Variants in TMEM201 observed in about 807,000 individuals in gnomAD.
The protein encoded by TMEM201 is RP13-15M17.2.
TMEM201 carries 26 observed loss-of-function variants against 63.4 expected under a neutral mutation model. The observed-to-expected ratio is 0.41, with a 90% confidence interval of 0.30 to 0.57. The LOEUF (loss-of-function observed/expected upper bound fraction) is 0.57, where lower values mean the gene tolerates loss of function less well. Ranked by LOEUF, TMEM201 falls within the 20% of genes least tolerant of loss-of-function variation. The pLI, the probability that TMEM201 is intolerant of heterozygous loss-of-function variation, is 0.29. For missense variants in TMEM201, 794 were observed against 917.7 expected (o/e 0.87, Z 1.74); for synonymous variants, 417 against 421.6 (o/e 0.99, Z 0.14).
intron 3 of TMEM201, among the ~76,000 whole-genome samples, chr1:9,597,619 C>A (rs918759454): frequency 2.0e-5 from 3 of 152,232 alleles, no homozygotes; most frequent in Non-Finnish European, 4.4e-5. Context: ...GCCTTGCTTA[C>A]TGGCTGCTCC....
In TMEM201 at chr1:9,610,775, C is replaced by A; in HGVS notation, c.1735C>A (p.Pro579Thr). Residue 579 changes from proline (P) to threonine (T), a missense_variant, in exon 9 of 11, where the codon CCG (proline) becomes ACG (threonine). Transcript: ENST00000340381. The surrounding 1 kb of genome is among the most constrained non-coding windows in gnomAD (Gnocchi z 4.9). ...TMEPPHVPRK[P>T]PLQDVKHALD... is the part of the protein sequence containing the mutation. ...GGAGCCGCCCCATGTTCCCCGGAAG[C>A]CGCCCCTGCAGGACGTGAAGCACGC... 6.5e-7 allele frequency: 1 copy of A among 1,547,434 alleles called. No individual in the cohort carries two copies.
chr1:9,603,574 C>T lies in TMEM201; in HGVS notation c.1160+1302C>T, dbSNP rs1644187327. 3 of 985,428 alleles carry T rather than the reference C, an allele frequency of 3.0e-6. No individual in the cohort carries two copies. Among genetic ancestry groups the T allele is most frequent in the African/African-American group, 1.7e-5 (1 of 57,248 alleles). 61.0% of individuals were successfully genotyped at this position (985,428 alleles called of 1,614,324 possible). ...GGCCAGGGTGTGCCAGCTCCTCTCT[C>T]CTGTGCGTTGGAACCCCGGGGGAGG... On this transcript the variant is annotated intron_variant, in intron 6 of 10. Coordinates refer to ENST00000340381, the MANE Select transcript of TMEM201 (RefSeq NM_001130924.3). This position sits in a 1 kb window ranked among gnomAD's most constrained non-coding sequence, Gnocchi z 4.5.
intron 1 of TMEM201, among the ~76,000 whole-genome samples, chr1:9,594,995 C>T (rs1643990357): frequency 1.3e-5 from 2 of 152,236 alleles, no homozygotes; most frequent in Admixed American, 6.5e-5. Context: ...TGTCCTCGAG[C>T]TGGAGGTGGC....
intron 1 of TMEM201, among the ~76,000 whole-genome samples, chr1:9,591,199 C>T (rs1643912423): frequency 6.6e-6 from 1 of 152,348 alleles, no homozygotes; most frequent in African/African-American, 2.4e-5. Flanking sequence ...CAGCTGATGG[C>T]TGTAAGCACA....
rs1398288544 is a variant in TMEM201, at chr1:9,607,306, G to T, written c.1161-251G>T. Among the ~76,000 whole-genome samples the T allele has an allele frequency of 1.3e-5, 2 of 152,058 alleles. No individual in the cohort carries two copies. Among genetic ancestry groups the T allele is most frequent in the Non-Finnish European group, 2.9e-5 (2 of 68,006 alleles). On this transcript the variant is annotated intron_variant, in intron 6 of 10. Transcript: ENST00000340381. This position sits in a 1 kb window ranked among gnomAD's most constrained non-coding sequence, Gnocchi z 5.4. ...CCGAGACTCGTAGTGGAGATAGTTT[G>T]CTGTGAGCCGAGGGGGTAGGAGGGG...
intron 10 of TMEM201, 67 bp from the exon 11 acceptor site, chr1:9,612,919 G>T: frequency 7.3e-7 from 1 of 1,376,022 alleles, no homozygotes. Context: ...ATGCTCTAGG[G>T]GGCTGCTCAG....
At chr1:9,597,879 A>C (rs540177908) in intron 3 of TMEM201, among the ~76,000 whole-genome samples, 1 of 152,350 alleles carries the variant, frequency 6.6e-6, no homozygotes, top group Admixed American at 6.5e-5. Flanking sequence ...TTGCAGGCCA[A>C]AACGTTTGCT....
intron 10 of TMEM201, among the ~76,000 whole-genome samples, chr1:9,612,641 G>A (rs955321234): frequency 6.6e-6 from 1 of 152,216 alleles, no homozygotes; most frequent in Non-Finnish European, 1.5e-5. Context: ...TTGGAGGCCT[G>A]GATGGGGTGC....
Position 9,601,448 on chromosome 1 carries a change from G to C in TMEM201, c.950G>C (p.Arg317Pro). ...CTGCTGGCAATGCTGCTGGCTGGCC[G>C]CATCAGGTGTGCATGGGGCCAGGGC... ...TCLLAMLLAG[R>P]IRLRRIDAFC... The change falls in exon 5 of 11, where the codon CGC (arginine) becomes CCC (proline). Residue 317 changes from arginine to proline, a missense_variant. Coordinates refer to ENST00000340381, the MANE Select transcript of TMEM201 (RefSeq NM_001130924.3). 6.3e-7 allele frequency: 1 copy of C among 1,582,776 alleles called. No homozygotes were observed. Among genetic ancestry groups the C allele is most frequent in the East Asian group, 2.2e-5 (1 of 44,588 alleles).
At chr1:9,589,764 C>A (rs537377848) in intron 1 of TMEM201, among the ~76,000 whole-genome samples, 7 of 152,384 alleles carry the variant, frequency 4.6e-5, no homozygotes, top group Admixed American at 4.6e-4. Flanking sequence ...TCAGCAGAGC[C>A]TCGCAGGTAG....
Position 9,613,240 on chromosome 1 carries a change from C to G in TMEM201, c.*157C>G, listed in dbSNP as rs373843240. ...ACTGTCCTCAGGACACCTGCCCCTC[C>G]TCACCTAACGGACTGCAGGGCTGAG... On this transcript the variant is annotated 3_prime_UTR_variant, in exon 11 of 11. Coordinates refer to ENST00000340381, the MANE Select transcript of TMEM201 (RefSeq NM_001130924.3). 2.0e-5 allele frequency: 13 copies of G among 663,130 alleles called. No homozygotes were observed. The East Asian group carries it at 2.5e-4, about 13-fold the overall frequency. 41.1% of individuals were successfully genotyped at this position (663,130 alleles called of 1,614,324 possible). A position where few individuals can be genotyped will look rare whatever the true frequency, so the allele number is the denominator to read the frequency against.
At position 9,596,942 on chromosome 1, in the gene TMEM201, C is replaced by T. The variant is rs772202797; in HGVS notation, c.318C>T (p.Asp106=). Residue 106 remains aspartate, a synonymous_variant, in exon 3 of 11, where the codon GAC becomes GAT. Coordinates refer to ENST00000340381, the MANE Select transcript of TMEM201 (RefSeq NM_001130924.3). ...TGAGCAGCGCGCCCAGCCTGCGCGA[C>T]CCTTCGCAGCCGCAGCAGTGGGTGA... ...HVVSSAPSLR[D]PSQPQQWVSS... 1.9e-6 allele frequency: 3 copies of T among 1,612,850 alleles called. No homozygotes were observed. Among genetic ancestry groups the T allele is most frequent in the Non-Finnish European group, 2.5e-6 (3 of 1,179,766 alleles).
intron 1 of TMEM201, among the ~76,000 whole-genome samples, chr1:9,593,839 G>GA (rs1166917439): frequency 2.0e-5 from 3 of 152,192 alleles, no homozygotes; most frequent in Admixed American, 2.0e-4. Context: ...GGGGTGGGGG[G>GA]TCACACAAGC....
In TMEM201 at chr1:9,598,568, C is replaced by G; in HGVS notation, c.549C>G (p.Arg183=). 1 of 1,613,638 alleles carries G rather than the reference C, an allele frequency of 6.2e-7. No individual in the cohort carries two copies. The highest frequency in any genetic ancestry group is 1.1e-5 in the South Asian group (1 of 91,080). ...TCAAGCACCAGAACCGCCAGCTGCG[C>G]GCCCTGTTGCTCAGCCACCAGTTCA... ...YYIKHQNRQL[R]ALLLSHQFKR... Residue 183 remains arginine, a synonymous_variant, in exon 4 of 11, where the codon CGC becomes CGG. Transcript: ENST00000340381.
chr1:9,593,559 C>T (rs558893630), intron 1 of TMEM201, among the ~76,000 whole-genome samples: 3 of 152,190 alleles, frequency 2.0e-5, no homozygotes, highest in Non-Finnish European at 4.4e-5. Context: ...CCCCCTCTTC[C>T]GGGCCGCCTC....
intron 1 of TMEM201, 47 bp from the exon 2 acceptor site, chr1:9,595,843 A>G: frequency 6.2e-7 from 1 of 1,608,952 alleles, no homozygotes; most frequent in Non-Finnish European, 8.5e-7. Context: ...CCTCTCCAGC[A>G]GGTGCTGGGG....
At chr1:9,612,701 A>C (rs1644341336) in intron 10 of TMEM201, among the ~76,000 whole-genome samples, 1 of 152,124 alleles carries the variant, frequency 6.6e-6, no homozygotes, top group Non-Finnish European at 1.5e-5. Flanking sequence ...CATTGTGGTC[A>C]CTGCCTCATC....
chr1:9,608,706 G>C lies in TMEM201; in HGVS notation c.1393+917G>C, dbSNP rs1644280946. 1.3e-5 allele frequency among the ~76,000 whole-genome samples: 2 copies of C among 152,244 alleles called. No individual in the cohort carries two copies. ...TTCTGTTTCAAGCCCCTTGGGAGGG[G>C]AGCGTGGCAATCCCAGGGCCAGTTC... On this transcript the variant is annotated intron_variant, in intron 7 of 10. Coordinates refer to ENST00000340381, the MANE Select transcript of TMEM201 (RefSeq NM_001130924.3). The surrounding 1 kb of genome is among the most constrained non-coding windows in gnomAD (Gnocchi z 4.3).
At chr1:9,591,311 A>G (rs1294200673) in intron 1 of TMEM201, among the ~76,000 whole-genome samples, 1 of 152,218 alleles carries the variant, frequency 6.6e-6, no homozygotes, top group East Asian at 1.9e-4. Context: ...CCTGCCCCAC[A>G]TCACCCGGCT....
Sources: gnomAD v4.1 joint callset for allele counts (sites outside exome capture counted in the v4.1 genomes callset) on GRCh38, gnomAD v4.1.1 for gene constraint, Gnocchi (gnomAD v3.1) non-coding constraint, MANE v1.5 for transcripts, NCBI Gene and HGNC (gene_info 2026-07-23, HGNC 2026-07-21) for gene names.